SEPTIN2: variants seen among roughly 807,000 people sequenced by gnomAD.
SEPTIN2 encodes septin 2.
Under a neutral mutation model 46.5 loss-of-function variants are expected in SEPTIN2, and 34 were observed. The observed-to-expected ratio is 0.73, with a 90% confidence interval of 0.56 to 0.97. The LOEUF (loss-of-function observed/expected upper bound fraction) is 0.97, where lower values mean the gene tolerates loss of function less well. SEPTIN2 is among the 50% of genes least tolerant of loss of function. SEPTIN2 has a pLI of 0.00. For missense variants in SEPTIN2, 347 were observed against 448.4 expected, an observed-to-expected ratio of 0.77 and a Z score of 2.04; for synonymous variants, 175 against 153.4, an observed-to-expected ratio of 1.14 and a Z score of -1.04.
At chr2:241,347,459 C>T (rs114986131) in intron 10 of SEPTIN2, among the ~76,000 whole-genome samples, 2,423 of 152,280 alleles carry the variant, frequency 0.016, 37 homozygotes, top group African/African-American at 0.042. Flanking sequence ...CTTTGCAGAG[C>T]ACAGTTCTCA....
chr2:241,340,264 T>G (rs756098509), intron 7 of SEPTIN2, among the ~76,000 whole-genome samples: 19 of 152,260 alleles, frequency 1.2e-4, no homozygotes, highest in Non-Finnish European at 2.5e-4. Flanking sequence ...TGTGCTGGTG[T>G]TGATGCCGGT....
chr2:241,329,157 G>A (rs1482189690), intron 3 of SEPTIN2, among the ~76,000 whole-genome samples: 2 of 151,714 alleles, frequency 1.3e-5, no homozygotes, highest in Admixed American at 6.6e-5. Context: ...ATGGAGCCTC[G>A]CTCTGTTGCC....
intron 1 of SEPTIN2, among the ~76,000 whole-genome samples, chr2:241,321,246 T>C (rs2077074224): frequency 6.6e-6 from 1 of 152,214 alleles, no homozygotes; most frequent in Non-Finnish European, 1.5e-5. Flanking sequence ...CAGAGAACTC[T>C]ATTAAAGTTT....
intron 7 of SEPTIN2, among the ~76,000 whole-genome samples, chr2:241,342,414 G>A (rs1369549771): frequency 3.3e-5 from 5 of 151,016 alleles, no homozygotes; most frequent in African/African-American, 9.7e-5. Context: ...TGGGGCTATC[G>A]TTAGTCTTCC....
chr2:241,336,149 A>C (rs1325051355), intron 5 of SEPTIN2, 51 bp downstream of exon 5: 2 of 1,561,374 alleles, frequency 1.3e-6, no homozygotes, highest in Non-Finnish European at 1.7e-6. Flanking sequence ...AATATACTTC[A>C]TAAATTTATA....
rs557503999 is a variant in SEPTIN2, at chr2:241,329,909, T to G, written c.130+3796T>G. 3.9e-5 allele frequency among the ~76,000 whole-genome samples: 6 copies of G among 152,368 alleles called. No individual in the cohort carries two copies. The East Asian group carries it at 1.2e-3, about 29-fold the overall frequency. ...ATGCTTGCTTGGACCAGCATAAGCATGCCAGGGCAAATATTTAGGCTGAAT... is the reference window on the plus strand; with the variant it reads ...ATGCTTGCTTGGACCAGCATAAGCAGGCCAGGGCAAATATTTAGGCTGAAT... On this transcript the variant is annotated intron_variant, in intron 3 of 12. Coordinates refer to ENST00000391971, the MANE Select transcript of SEPTIN2 (RefSeq NM_004404.5).
At chr2:241,351,392 CAACT>C (rs1432114484) in intron 12 of SEPTIN2, 2 of 152,228 alleles carry the variant, frequency 1.3e-5, no homozygotes, top group African/African-American at 4.8e-5. Context: ...ATGTCACCCC[CAACT>C]GAGTCCAAGT....
intron 3 of SEPTIN2, among the ~76,000 whole-genome samples, chr2:241,328,968 C>T (rs1174857781): frequency 2.6e-5 from 4 of 151,718 alleles, no homozygotes; most frequent in Non-Finnish European, 2.9e-5. Flanking sequence ...TGCGGTGAGC[C>T]GAGATCGCGC....
At chr2:241,342,431 T>C (rs1232795651) in intron 7 of SEPTIN2, among the ~76,000 whole-genome samples, 1 of 152,118 alleles carries the variant, frequency 6.6e-6, no homozygotes, top group Non-Finnish European at 1.5e-5. Flanking sequence ...TTCCTGCTGC[T>C]TTGTACATTG....
chr2:241,346,592 TA>T (rs75325416), intron 10 of SEPTIN2: 11,793 of 148,596 alleles, frequency 0.079, 569 homozygotes, highest in East Asian at 0.11. Context: ...TACAAAAATT[TA>T]AAAAAAAAAA....
At chr2:241,332,256 A>G (rs1397884278) in intron 3 of SEPTIN2, among the ~76,000 whole-genome samples, 1 of 152,252 alleles carries the variant, frequency 6.6e-6, no homozygotes, top group Admixed American at 6.5e-5. Context: ...AGGAACTCAG[A>G]AAGTATTCAT....
intron 4 of SEPTIN2, 92 bp from the exon 5 acceptor site, chr2:241,335,878 AGAGAG>A: frequency 6.7e-7 from 1 of 1,491,100 alleles, no homozygotes. Flanking sequence ...CTACCTCTGT[AGAGAG>A]GCAGTAGACT....
At chr2:241,333,422 TCAA>T (rs2079357950) in intron 3 of SEPTIN2, among the ~76,000 whole-genome samples, 2 of 152,248 alleles carry the variant, frequency 1.3e-5, no homozygotes, top group African/African-American at 4.8e-5. Flanking sequence ...TTAGGCATGT[TCAA>T]CACATTGTTT....
At chr2:241,322,963 A>G (rs931439331) in intron 1 of SEPTIN2, among the ~76,000 whole-genome samples, 8 of 152,148 alleles carry the variant, frequency 5.3e-5, no homozygotes, top group Non-Finnish European at 1.0e-4. Context: ...AAATTTGAAT[A>G]TTATTGAAAA....
upstream of SEPTIN2, chr2:241,315,600 G>A (rs1331504293): frequency 6.6e-6 from 1 of 152,166 alleles, no homozygotes; most frequent in Non-Finnish European, 1.5e-5. Context: ...TAAGAAAACC[G>A]AGCTCATAAG....
rs532340343 is a variant in SEPTIN2 at position 241,325,908 on chromosome 2, A to C, written c.10-85A>C. 8 of 1,319,438 alleles carry C rather than the reference A, an allele frequency of 6.1e-6. No individual in the cohort carries two copies. The East Asian group carries it at 1.9e-4, about 32-fold the overall frequency. 81.7% of individuals were successfully genotyped at this position (1,319,438 alleles called of 1,614,324 possible). On this transcript the variant is annotated intron_variant, in intron 2 of 12. Transcript: ENST00000391971. ...AAAAATTTGTGAAAACTGATAACCT[A>C]TGTTTGTTTCATGTCTAACTGATTA...
intron 1 of SEPTIN2, chr2:241,320,264 G>A (rs1468526751): frequency 8.5e-6 from 4 of 471,026 alleles, no homozygotes; most frequent in African/African-American, 6.0e-5. Context: ...CAACTCTAAC[G>A]TCAAGTCTTG....
intron 7 of SEPTIN2, among the ~76,000 whole-genome samples, chr2:241,339,839 C>A (rs1000616658): frequency 6.6e-6 from 1 of 152,182 alleles, no homozygotes; most frequent in Non-Finnish European, 1.5e-5. Context: ...GCACTCCCCC[C>A]ACACTGCATA....
At chr2:241,331,916 G>A (rs2079067793) in intron 3 of SEPTIN2, among the ~76,000 whole-genome samples, 4 of 152,136 alleles carry the variant, frequency 2.6e-5, no homozygotes, top group Admixed American at 6.5e-5. Flanking sequence ...AATATAATAA[G>A]TTCAATTGTT....
Sources: allele counts gnomAD v4.1 joint callset (sites outside exome capture counted in the v4.1 genomes callset), GRCh38; gene constraint gnomAD v4.1.1; transcripts MANE v1.5; gene names NCBI Gene and HGNC (gene_info 2026-07-23, HGNC 2026-07-21).